Variants in TBKBP1 observed in about 807,000 individuals in gnomAD.
TBKBP1 encodes the protein TBK1 binding protein 1.
Under a neutral mutation model 69.9 loss-of-function variants are expected in TBKBP1, and 47 were observed. The ratio of observed to expected loss-of-function variants is 0.67; its 90% confidence interval spans 0.53 to 0.86. The LOEUF (loss-of-function observed/expected upper bound fraction) is 0.86. Ranked by LOEUF, TBKBP1 falls within the 40% of genes least tolerant of loss-of-function variation. The pLI, the probability that TBKBP1 is intolerant of heterozygous loss-of-function variation, is 0.00. For missense variants in TBKBP1, 831 were observed against 858.6 expected (o/e 0.97, Z 0.40); for synonymous variants, 418 against 390.3 (o/e 1.07, Z -0.84).
intron 3 of TBKBP1, 26 bp from the exon 4 acceptor site, chr17:47,697,063 G>C (rs1567903665): frequency 1.3e-6 from 2 of 1,594,156 alleles, no homozygotes; most frequent in Non-Finnish European, 8.5e-7. Flanking sequence ...CTGACCCTGT[G>C]GTGGGGCCCT....
chr17:47,710,825 C>T lies in TBKBP1; in HGVS notation c.*199C>T, dbSNP rs1180588341. 7 of 681,180 alleles carry T rather than the reference C, an allele frequency of 1.0e-5. No individual in the cohort carries two copies. Among genetic ancestry groups the T allele is most frequent in the Middle Eastern group, 3.3e-4 (1 of 3,028 alleles). The allele number at this position is 681,180 out of a possible 1,614,324, so 42.2% of individuals were successfully genotyped here. ...CTCTGGCTCTTCCTGGGAGGTCAGCCGAGGCTCCCCCCATGCTCCTGGTTT... is the reference window on the plus strand; with the variant it reads ...CTCTGGCTCTTCCTGGGAGGTCAGCTGAGGCTCCCCCCATGCTCCTGGTTT... On this transcript the variant is annotated 3_prime_UTR_variant, in exon 10 of 10. Transcript: ENST00000578982.
chr17:47,701,371 ACACACACT>A (rs1357577688), intron 7 of TBKBP1, among the ~76,000 whole-genome samples: 17 of 151,340 alleles, frequency 1.1e-4, no homozygotes, highest in Admixed American at 5.3e-4. Context: ...ACACACACAC[ACACACACT>A]CTCTCTCTCT....
upstream of TBKBP1, chr17:47,694,112 G>A (rs2031104037): frequency 7.4e-6 from 1 of 135,154 alleles, no homozygotes; most frequent in Admixed American, 7.3e-5. Flanking sequence ...CGGTACCAGG[G>A]GGGTGGGGGC....
At chr17:47,704,373 C>T (rs538286164) in intron 7 of TBKBP1, among the ~76,000 whole-genome samples, 6 of 152,366 alleles carry the variant, frequency 3.9e-5, no homozygotes, top group African/African-American at 9.6e-5. Context: ...TCCTCCCCGC[C>T]GGCCCGCAAC....
At chr17:47,695,018 A>G (rs931996707) in intron 1 of TBKBP1, among the ~76,000 whole-genome samples, 5 of 150,950 alleles carry the variant, frequency 3.3e-5, no homozygotes. Context: ...GGGTGCACAT[A>G]ACGCTCCAGC....
rs527837287 is a variant in TBKBP1 at position 47,710,354 on chromosome 17, A to C, written c.1720-144A>C. On this transcript the variant is annotated intron_variant, in intron 9 of 9. Coordinates refer to ENST00000578982, the MANE Select transcript of TBKBP1 (RefSeq NM_001394755.1). ...GGTGGACACTGAGCTGGTGTGGGGG[A>C]GGACGGTGCTGAAGAAAGGGTGGCT... 411 of 1,067,890 alleles carry C rather than the reference A, an allele frequency of 3.8e-4. 1 individual carries two copies. The African/African-American group carries it at 5.7e-3, about 15-fold the overall frequency. 66.2% of individuals were successfully genotyped at this position (1,067,890 alleles called of 1,614,324 possible).
chr17:47,709,289 A>G lies in TBKBP1; in HGVS notation c.1556A>G (p.Gln519Arg), dbSNP rs1019500311. Residue 519 changes from glutamine to arginine, a missense_variant, in exon 9 of 10, where the codon CAG becomes CGG. Coordinates refer to ENST00000578982, the MANE Select transcript of TBKBP1 (RefSeq NM_001394755.1). ...FEGIRLRFEKQPSEEDEWAVP... is the reference protein window; with the variant it reads ...FEGIRLRFEKRPSEEDEWAVP... The stretch of plus-strand genomic sequence containing the variant: ...GGCATCCGGCTGCGCTTCGAGAAGC[A>G]GCCGTCGGAGGAGGACGAGTGGGCT... 3 of 1,525,596 alleles carry G rather than the reference A, an allele frequency of 2.0e-6. No individual in the cohort carries two copies. Among genetic ancestry groups the G allele is most frequent in the East Asian group, 2.5e-5 (1 of 39,264 alleles). 94.5% of individuals were successfully genotyped at this position (1,525,596 alleles called of 1,614,324 possible).
At chr17:47,698,442 G>A (rs568964206) in intron 4 of TBKBP1, among the ~76,000 whole-genome samples, 153 bp from the exon 5 acceptor site, 2 of 152,334 alleles carry the variant, frequency 1.3e-5, no homozygotes, top group African/African-American at 2.4e-5. Context: ...GCTGCATTGC[G>A]GTGGCTGAGA....
At chr17:47,696,483 TC>T (rs2031248006) in intron 2 of TBKBP1, 146 bp downstream of exon 2, 3 of 1,150,230 alleles carry the variant, frequency 2.6e-6, no homozygotes, top group African/African-American at 1.6e-5. Context: ...ACGTGGCTGT[TC>T]CGGATGCGAA....
chr17:47,699,531 C>T, intron 6 of TBKBP1, 36 bp downstream of exon 6: 1 of 1,604,850 alleles, frequency 6.2e-7, no homozygotes, highest in Non-Finnish European at 8.5e-7. Context: ...TCTGGAGGTC[C>T]AGGGCTGGGC....
Position 47,699,459 on chromosome 17 carries a change from G to A in TBKBP1, c.774G>A (p.Gln258=), listed in dbSNP as rs367688384. Residue 258 remains glutamine (Q), a synonymous_variant, in exon 6 of 10, where the codon CAG becomes CAA. Transcript: ENST00000578982. ...EQLQAECERL[Q]GELKQLQETR... The stretch of plus-strand genomic sequence containing the variant: ...TCCAGGCCGAGTGCGAGCGGCTGCA[G>A]GGGGAGCTGAAGCAGCTGCAGGAGA... The A allele has an allele frequency of 3.4e-5, 53 of 1,573,064 alleles. No individual in the cohort carries two copies. In the African/African-American group the frequency reaches 6.4e-4, roughly 19 times the overall value.
At chr17:47,706,828 GACACACACACACAC>G (rs55849029) in intron 7 of TBKBP1, among the ~76,000 whole-genome samples, 24 of 134,220 alleles carry the variant, frequency 1.8e-4, no homozygotes, top group African/African-American at 4.5e-4. Flanking sequence ...GTTAGACTTA[GACACACACACACAC>G]ACACACACAC....
Position 47,708,406 on chromosome 17 carries a change from G to A in TBKBP1, c.885G>A (p.Ala295=). 6.2e-7 allele frequency: 1 copy of A among 1,613,872 alleles called. No homozygotes were observed. Among genetic ancestry groups the A allele is most frequent in the Non-Finnish European group, 8.5e-7 (1 of 1,179,780 alleles). The part of the protein sequence containing the change: ...KRVGDDQVNL[A]LAYTELTEEL... ...CCTCTGACTTCAGGGTGAATTTGGCGCTGGCCTACACCGAGCTGACGGAGG... is the reference window on the plus strand; with the variant it reads ...CCTCTGACTTCAGGGTGAATTTGGCACTGGCCTACACCGAGCTGACGGAGG... Residue 295 remains alanine (A), a synonymous_variant, in exon 8 of 10, where the codon GCG becomes GCA. Transcript: ENST00000578982. This position sits in a 1 kb window ranked among gnomAD's most constrained non-coding sequence, Gnocchi z 4.4.
At position 47,708,386 on chromosome 17, in the gene TBKBP1, G is replaced by T. The variant is rs1379082846; in HGVS notation, c.873-8G>T. On this transcript the variant is annotated splice_region_variant and splice_polypyrimidine_tract_variant and intron_variant, in intron 7 of 9. Transcript: ENST00000578982. The surrounding 1 kb of genome is among the most constrained non-coding windows in gnomAD (Gnocchi z 4.4). ...CTTCTCGTCTTTCCCACTGCCCTCT[G>T]ACTTCAGGGTGAATTTGGCGCTGGC... The T allele has an allele frequency of 5.6e-6, 9 of 1,613,662 alleles. No individual in the cohort carries two copies. The highest frequency in any genetic ancestry group is 1.3e-5 in the African/African-American group (1 of 74,910).
Position 47,699,378 on chromosome 17 carries a change from G to C in TBKBP1, c.693G>C (p.Glu231Asp), listed in dbSNP as rs1348539254. The change falls in exon 6 of 10, where the codon GAG becomes GAC. Residue 231 changes from glutamate (E) to aspartate (D), a missense_variant. Glu to Asp is a conservative substitution (Grantham distance 45, BLOSUM62 2). Coordinates refer to ENST00000578982, the MANE Select transcript of TBKBP1 (RefSeq NM_001394755.1). Reference sequence around the variant, plus strand: ...ACCTGGAGCGGCGGCGGCTAGAAGAGGCTTTGGAGGCCGCGCAGGGAGAGG... The same window carrying C: ...ACCTGGAGCGGCGGCGGCTAGAAGACGCTTTGGAGGCCGCGCAGGGAGAGG... ...VSDLERRRLE[E>D]ALEAAQGEAR... 1.3e-6 allele frequency: 2 copies of C among 1,564,984 alleles called. No individual in the cohort carries two copies. The highest frequency in any genetic ancestry group is 2.7e-5 in the African/African-American group (2 of 72,794).
chr17:47,697,006 G>T, intron 3 of TBKBP1, 83 bp from the exon 4 acceptor site: 1 of 1,523,136 alleles, frequency 6.6e-7, no homozygotes, highest in South Asian at 1.2e-5. Context: ...CTGGGAGTGG[G>T]GGTGGGGAGG....
chr17:47,696,858 C>T (rs750914109), intron 3 of TBKBP1, 25 bp downstream of exon 3: 2 of 1,611,316 alleles, frequency 1.2e-6, no homozygotes, highest in South Asian at 2.2e-5. Context: ...CTGGGCGCAC[C>T]CCCTGAGCAT....
In TBKBP1 at chr17:47,698,624, G is replaced by C. The variant is rs752995500; in HGVS notation, c.483G>C (p.Gln161His). 2 of 1,599,754 alleles carry C rather than the reference G, an allele frequency of 1.3e-6. No individual in the cohort carries two copies. Among genetic ancestry groups the C allele is most frequent in the Non-Finnish European group, 1.7e-6 (2 of 1,173,352 alleles). The stretch of plus-strand genomic sequence containing the variant: ...CCCTGGTGGAGACGCACCTGCGTCA[G>C]ATCTGTGGTTTGGAGCAGCAGCTGC... ...MRALVETHLRQICGLEQQLRQ... is the reference protein window; with the variant it reads ...MRALVETHLRHICGLEQQLRQ... The change falls in exon 5 of 10, where the codon CAG (glutamine) becomes CAC (histidine). Residue 161 changes from glutamine (Q) to histidine (H), a missense_variant. Coordinates refer to ENST00000578982, the MANE Select transcript of TBKBP1 (RefSeq NM_001394755.1).
At chr17:47,694,277 AGGCGGCAGGAG>A (rs1169018689) in intron 1 of TBKBP1, 83 bp downstream of exon 1, 6 of 149,586 alleles carry the variant, frequency 4.0e-5, no homozygotes, top group Non-Finnish European at 8.9e-5. Flanking sequence ...GGGCAGGAGG[AGGCGGCAGGAG>A]GGCGGCTGGC....
Sources: allele counts gnomAD v4.1 joint callset (sites outside exome capture counted in the v4.1 genomes callset), GRCh38; gene constraint gnomAD v4.1.1; non-coding constraint Gnocchi (gnomAD v3.1); transcripts MANE v1.5; gene names NCBI Gene and HGNC (gene_info 2026-07-23, HGNC 2026-07-21).